The following SMPD3 variants were observed in gnomAD, a reference collection of about 807,000 sequenced individuals.
SMPD3 encodes nSMase-2.
SMPD3 carries 21 observed loss-of-function variants against 55.7 expected under a neutral mutation model. The ratio of observed to expected loss-of-function variants is 0.38; its 90% CI spans 0.27 to 0.54. The LOEUF is 0.54. SMPD3 is among the 20% of genes least tolerant of loss of function. SMPD3 has a pLI of 0.80. For synonymous variants in SMPD3, 457 were observed against 404.3 expected, an observed-to-expected ratio of 1.13 and a Z score of -1.56; for missense variants, 842 against 899.6, an observed-to-expected ratio of 0.94 and a Z score of 0.82.
intron 1 of SMPD3, among the ~76,000 whole-genome samples, chr16:68,446,939 A>T (rs767141722): frequency 1.3e-5 from 2 of 152,212 alleles, no homozygotes; most frequent in Non-Finnish European, 2.9e-5. Context: ...ATGTGGGGGC[A>T]TAGTGCCCTG....
intron 1 of SMPD3, among the ~76,000 whole-genome samples, chr16:68,403,652 A>T (rs1310362662): frequency 6.6e-6 from 1 of 152,188 alleles, no homozygotes; most frequent in Non-Finnish European, 1.5e-5. Flanking sequence ...GATGTGATTA[A>T]ATTCTTTCCT....
Position 68,392,835 on chromosome 16 carries a change from G to GGAAAAAA in SMPD3, c.-268-6177_-268-6176insTTTTTTC, listed in dbSNP as rs527930943. On this transcript the variant is annotated intron_variant, in intron 1 of 8. Coordinates refer to ENST00000219334, the MANE Select transcript of SMPD3 (RefSeq NM_018667.4). ...CGTGACAGAATGAGACGCTGTCTGG[G>GGAAAAAA]AAAAAAAAAAAAAAAAAAAAGATGC... is the stretch of plus-strand genomic sequence containing the variant. Among the ~76,000 whole-genome samples the GGAAAAAA allele has an allele frequency of 9.3e-4, 82 of 88,268 alleles. 1 individual carries two copies. The highest frequency in any genetic ancestry group is 3.2e-3 in the South Asian group (7 of 2,208). 57.9% of individuals were successfully genotyped at this position (88,268 alleles called of 152,430 possible).
At chr16:68,412,763 G>A (rs575315925) in intron 1 of SMPD3, among the ~76,000 whole-genome samples, 7 of 152,344 alleles carry the variant, frequency 4.6e-5, no homozygotes, top group African/African-American at 1.7e-4. Context: ...TTTTCATAAT[G>A]AGGCTCCCCA....
At chr16:68,369,449 G>A (rs2089587210) in intron 3 of SMPD3, 1 of 152,014 alleles carries the variant, frequency 6.6e-6, no homozygotes, top group Non-Finnish European at 1.5e-5. Flanking sequence ...GAAGTGGGCT[G>A]GGGTAGGGGG....
At chr16:68,364,608 A>T (rs1296510551) in intron 5 of SMPD3, 143 bp downstream of exon 5, 5 of 907,326 alleles carry the variant, frequency 5.5e-6, no homozygotes, top group Non-Finnish European at 8.3e-6. Flanking sequence ...GGGGGCAGAG[A>T]AATCAGTCTT....
At chr16:68,427,511 G>A (rs531135297) in intron 1 of SMPD3, among the ~76,000 whole-genome samples, 10 of 152,328 alleles carry the variant, frequency 6.6e-5, no homozygotes, top group Admixed American at 5.2e-4. Flanking sequence ...GTCCAATATG[G>A]TAGCCTGTAG....
At chr16:68,365,329 A>G (rs187201487) in intron 3 of SMPD3, among the ~76,000 whole-genome samples, 1 of 152,168 alleles carries the variant, frequency 6.6e-6, no homozygotes, top group East Asian at 1.9e-4. Context: ...GCTGGCGGCC[A>G]TCTGTGCAAA....
At chr16:68,432,665 C>G (rs2090489564) in intron 1 of SMPD3, among the ~76,000 whole-genome samples, 1 of 152,108 alleles carries the variant, frequency 6.6e-6, no homozygotes, top group Non-Finnish European at 1.5e-5. Context: ...AACCACTGAC[C>G]AGCAAATCTC....
chr16:68,387,959 AG>A (rs2090074911), intron 1 of SMPD3, among the ~76,000 whole-genome samples: 1 of 152,154 alleles, frequency 6.6e-6, no homozygotes, highest in Non-Finnish European at 1.5e-5. Flanking sequence ...TGCACAGAAA[AG>A]GCTTGGGCTC....
chr16:68,409,005 C>T (rs2090274744), intron 1 of SMPD3, among the ~76,000 whole-genome samples: 1 of 152,172 alleles, frequency 6.6e-6, no homozygotes, highest in Non-Finnish European at 1.5e-5. Flanking sequence ...CCACCTAGGT[C>T]GCTGAGGTCT....
In SMPD3 at chr16:68,360,922, C is replaced by T. The variant is rs374543821; in HGVS notation, c.*284G>A. ...CGAACCCGGTCCTCATACTAACCCA[C>T]GGGTTACAAACTCGGTTGTGCTGTA... is the stretch of plus-strand genomic sequence containing the variant. On this transcript the variant is annotated 3_prime_UTR_variant, in exon 9 of 9. Transcript: ENST00000219334. 20 of 428,032 alleles carry T rather than the reference C, an allele frequency of 4.7e-5. No individual in the cohort carries two copies. Among genetic ancestry groups the T allele is most frequent in the African/African-American group, 1.8e-4 (9 of 50,054 alleles). 26.5% of individuals were successfully genotyped at this position (428,032 alleles called of 1,614,324 possible). A position where few individuals can be genotyped will look rare whatever the true frequency, so the allele number is the denominator to read the frequency against.
At chr16:68,427,840 G>A (rs2090448602) in intron 1 of SMPD3, among the ~76,000 whole-genome samples, 1 of 152,126 alleles carries the variant, frequency 6.6e-6, no homozygotes, top group African/African-American at 2.4e-5. Context: ...GGAAGGGAGT[G>A]GGCAGGACAG....
chr16:68,359,779 A>C lies in SMPD3; in HGVS notation c.*1427T>G, dbSNP rs1160564661. 6.6e-6 allele frequency: 1 copy of C among 152,576 alleles called. No homozygotes were observed. The highest frequency in any genetic ancestry group is 1.5e-5 in the Non-Finnish European group (1 of 68,166). The allele number at this position is 152,576 out of a possible 1,614,324, so 9.5% of individuals were successfully genotyped here. A position where few individuals can be genotyped will look rare whatever the true frequency, so the allele number is the denominator to read the frequency against. ...TTGAGTCTCGAACTTTGAAACAGAC[A>C]AAACCTTCGCTGCATGACAGGAGCA... On this transcript the variant is annotated 3_prime_UTR_variant, in exon 9 of 9. Transcript: ENST00000219334.
intron 1 of SMPD3, among the ~76,000 whole-genome samples, chr16:68,434,166 A>G (rs1335978029): frequency 6.6e-6 from 1 of 152,158 alleles, no homozygotes; most frequent in Non-Finnish European, 1.5e-5. Flanking sequence ...TTCAGTACCC[A>G]CCTTTTAATT....
rs529596729 is a variant in SMPD3, at chr16:68,385,043, G to A, written c.-207+1555C>T. Among the ~76,000 whole-genome samples the A allele has an allele frequency of 2.6e-5, 4 of 152,308 alleles. No individual in the cohort carries two copies. The South Asian group carries it at 8.3e-4, about 32-fold the overall frequency. ...GGACATGAGCATCAGAATTGCAGAAGTAACAGCCGCCTCTTGGGGATATCA... is the reference window on the plus strand; with the variant it reads ...GGACATGAGCATCAGAATTGCAGAAATAACAGCCGCCTCTTGGGGATATCA... On this transcript the variant is annotated intron_variant, in intron 2 of 8. Coordinates refer to ENST00000219334, the MANE Select transcript of SMPD3 (RefSeq NM_018667.4).
At chr16:68,398,919 C>A (rs1459054598) in intron 1 of SMPD3, among the ~76,000 whole-genome samples, 2 of 152,190 alleles carry the variant, frequency 1.3e-5, no homozygotes, top group Non-Finnish European at 2.9e-5. Context: ...ATTCTGTTCC[C>A]CGCTCCAGGT....
At chr16:68,384,387 C>G (rs920179867) in intron 2 of SMPD3, among the ~76,000 whole-genome samples, 1 of 152,244 alleles carries the variant, frequency 6.6e-6, no homozygotes, top group Non-Finnish European at 1.5e-5. Context: ...GGCCCTTTCT[C>G]TCTTGATAGC....
intron 1 of SMPD3, among the ~76,000 whole-genome samples, chr16:68,424,649 T>C (rs1175553695): frequency 6.6e-6 from 1 of 152,224 alleles, no homozygotes; most frequent in Non-Finnish European, 1.5e-5. Flanking sequence ...AAAGTTACTG[T>C]CTTGATGACT....
intron 3 of SMPD3, among the ~76,000 whole-genome samples, chr16:68,366,496 G>A (rs576525375): frequency 1.1e-4 from 16 of 152,274 alleles, no homozygotes; most frequent in Admixed American, 3.9e-4. Flanking sequence ...CCCGCCCCCC[G>A]AATGGCTCTG....
Sources: allele counts gnomAD v4.1 joint callset (sites outside exome capture counted in the v4.1 genomes callset), GRCh38; gene constraint gnomAD v4.1.1; transcripts MANE v1.5; gene names NCBI Gene and HGNC (gene_info 2026-07-23, HGNC 2026-07-21).